RABGAP1L: variants seen among roughly 807,000 people sequenced by gnomAD.
RABGAP1L encodes RAB GTPase activating protein 1 like, also known as rab GTPase-activating protein 1-like.
RABGAP1L carries 63 observed loss-of-function variants against 137.7 expected under a neutral mutation model. The observed-to-expected ratio is 0.46, with a 90% confidence interval of 0.37 to 0.56. The LOEUF (loss-of-function observed/expected upper bound fraction) is 0.56. RABGAP1L is among the 20% of genes least tolerant of loss of function. The pLI, the probability that RABGAP1L is intolerant of heterozygous loss-of-function variation, is 0.00. For synonymous variants in RABGAP1L, 431 were observed against 433.7 expected, an observed-to-expected ratio of 0.99 and a Z score of 0.08; for missense variants, 1,095 against 1,244.0, an observed-to-expected ratio of 0.88 and a Z score of 1.80.
In RABGAP1L at chr1:174,613,253, T is replaced by G. The variant is rs570770950; in HGVS notation, c.1711-24122T>G. On this transcript the variant is annotated intron_variant, in intron 13 of 25. Coordinates refer to ENST00000681986, the MANE Select transcript of RABGAP1L (RefSeq NM_001366446.1). ...ATGTGTCCCAGAGATTCTGGTATGT[T>G]GTGTCTTTGTTCTCGTTGGTTTCAA... 9.2e-5 allele frequency among the ~76,000 whole-genome samples: 14 copies of G among 152,300 alleles called. No individual in the cohort carries two copies. The South Asian group carries it at 1.5e-3, about 16-fold the overall frequency.
At chr1:174,249,279 G>T (rs1055338890) in intron 5 of RABGAP1L, among the ~76,000 whole-genome samples, 2 of 152,140 alleles carry the variant, frequency 1.3e-5, no homozygotes, top group Non-Finnish European at 2.9e-5. Context: ...AATACTGGTA[G>T]CTCTTTATGT....
intron 19 of RABGAP1L, among the ~76,000 whole-genome samples, chr1:174,912,435 T>C (rs1660198535): frequency 6.6e-6 from 1 of 152,208 alleles, no homozygotes; most frequent in African/African-American, 2.4e-5. Flanking sequence ...GATGAGCCAC[T>C]GCACCCAGCC....
chr1:174,367,579 T>C, intron 11 of RABGAP1L: 1 of 271,824 alleles, frequency 3.7e-6, no homozygotes, highest in Non-Finnish European at 7.2e-6. Flanking sequence ...GCTGGTTAGG[T>C]CTCTTGAGAA....
At chr1:174,767,236 T>C (rs1685739807) in intron 18 of RABGAP1L, among the ~76,000 whole-genome samples, 1 of 152,228 alleles carries the variant, frequency 6.6e-6, no homozygotes, top group Admixed American at 6.5e-5. Context: ...GTCATTTATA[T>C]TTGGCTCAGC....
intron 13 of RABGAP1L, among the ~76,000 whole-genome samples, chr1:174,527,916 T>TTTTAC (rs1664048215): frequency 6.6e-6 from 1 of 151,034 alleles, no homozygotes; most frequent in South Asian, 2.1e-4. Context: ...TTTTTTTTTT[T>TTTTAC]TTTACCTTAT....
chr1:174,430,351 C>CT (rs1291768801), intron 13 of RABGAP1L, among the ~76,000 whole-genome samples: 1 of 149,428 alleles, frequency 6.7e-6, no homozygotes, highest in Non-Finnish European at 1.5e-5. Context: ...GAGCCAGACT[C>CT]TGTCTGAAAA....
At chr1:174,324,360 T>C (rs1011092886) in intron 11 of RABGAP1L, among the ~76,000 whole-genome samples, 1 of 152,080 alleles carries the variant, frequency 6.6e-6, no homozygotes, top group East Asian at 1.9e-4. Flanking sequence ...AAGGTTATAA[T>C]GCAATTTTTG....
At chr1:174,803,674 C>T (rs1296066833) in intron 18 of RABGAP1L, among the ~76,000 whole-genome samples, 2 of 151,158 alleles carry the variant, frequency 1.3e-5, no homozygotes, top group Non-Finnish European at 2.9e-5. Flanking sequence ...TTATTAGAGG[C>T]CCTTAAAGAA....
intron 13 of RABGAP1L, among the ~76,000 whole-genome samples, chr1:174,534,008 C>G (rs1664665158): frequency 6.6e-6 from 1 of 152,002 alleles, no homozygotes; most frequent in African/African-American, 2.4e-5. Context: ...TATGTTATCA[C>G]CAAGGCTTCT....
At chr1:174,570,453 C>T (rs983654001) in intron 13 of RABGAP1L, among the ~76,000 whole-genome samples, 3 of 152,040 alleles carry the variant, frequency 2.0e-5, no homozygotes, top group East Asian at 1.9e-4. Flanking sequence ...ACTTATAAGT[C>T]GGAGCTAAAC....
chr1:174,287,394 C>T lies in RABGAP1L; in HGVS notation c.1323+8615C>T, dbSNP rs186167890. ...TTTGCATGGAATATCTTTTTCCATC[C>T]CTTCATTTTCAGCCTGTGTGTTCTC... On this transcript the variant is annotated intron_variant, in intron 10 of 25. Transcript: ENST00000681986. Among the ~76,000 whole-genome samples the T allele has an allele frequency of 3.3e-5, 5 of 152,130 alleles. No individual in the cohort carries two copies. The East Asian group carries it at 7.7e-4, about 23-fold the overall frequency.
intron 13 of RABGAP1L, among the ~76,000 whole-genome samples, chr1:174,627,083 T>G (rs1672988845): frequency 6.6e-6 from 1 of 152,224 alleles, no homozygotes; most frequent in Non-Finnish European, 1.5e-5. Context: ...GAAATGATTT[T>G]GTGGTAGATT....
At position 174,990,362 on chromosome 1, in the gene RABGAP1L, T is replaced by C. The variant is rs1671978679; in HGVS notation, c.*361T>C. On this transcript the variant is annotated 3_prime_UTR_variant, in exon 26 of 26. Coordinates refer to ENST00000681986, the MANE Select transcript of RABGAP1L (RefSeq NM_001366446.1). ...TACATAAAAATGGAGACATCTGTTA[T>C]TCCAAGGTTGAAGTGATAAGAAGAT... 1 of 160,458 alleles carries C rather than the reference T, an allele frequency of 6.2e-6. No individual in the cohort carries two copies. The highest frequency in any genetic ancestry group is 2.0e-4 in the South Asian group (1 of 5,108). The allele number at this position is 160,458 out of a possible 1,614,324, so 9.9% of individuals were successfully genotyped here.
intron 19 of RABGAP1L, among the ~76,000 whole-genome samples, chr1:174,860,811 A>G (rs1315029827): frequency 6.6e-6 from 1 of 152,206 alleles, no homozygotes; most frequent in Non-Finnish European, 1.5e-5. Context: ...TAAATGACAA[A>G]TAAAAATTAT....
intron 14 of RABGAP1L, among the ~76,000 whole-genome samples, chr1:174,659,981 G>A (rs775413166): frequency 2.6e-5 from 4 of 152,114 alleles, no homozygotes; most frequent in African/African-American, 7.2e-5. Context: ...CCCACAACAC[G>A]GTTTGCAGGT....
intron 1 of RABGAP1L, among the ~76,000 whole-genome samples, chr1:174,190,882 G>A (rs965324010): frequency 5.3e-5 from 8 of 152,142 alleles, no homozygotes; most frequent in African/African-American, 1.4e-4. Flanking sequence ...AGCCATTGTA[G>A]CATTATTAAT....
At chr1:174,450,654 G>C (rs1655331442) in intron 13 of RABGAP1L, among the ~76,000 whole-genome samples, 1 of 152,150 alleles carries the variant, frequency 6.6e-6, no homozygotes, top group African/African-American at 2.4e-5. Context: ...ACATGGGGTT[G>C]TGTGATAAAT....
At chr1:174,415,774 G>A (rs188830063) in intron 13 of RABGAP1L, among the ~76,000 whole-genome samples, 4 of 151,814 alleles carry the variant, frequency 2.6e-5, no homozygotes, top group East Asian at 1.9e-4. Flanking sequence ...TTCTTTAATC[G>A]ATGTTACTGT....
intron 13 of RABGAP1L, among the ~76,000 whole-genome samples, chr1:174,615,503 G>A (rs1671742480): frequency 6.6e-6 from 1 of 152,184 alleles, no homozygotes. Context: ...GTGCCTCCCA[G>A]TTAGGCTTCT....
Sources: allele counts gnomAD v4.1 joint callset (sites outside exome capture counted in the v4.1 genomes callset), GRCh38; gene constraint gnomAD v4.1.1; transcripts MANE v1.5; gene names NCBI Gene and HGNC (gene_info 2026-07-23, HGNC 2026-07-21).